The following KANK1 variants were observed in gnomAD, a reference collection of about 807,000 sequenced individuals.
The protein encoded by KANK1 is KN motif and ankyrin repeat domain-containing protein 1.
In KANK1, 109 loss-of-function variants were observed where a neutral mutation model predicts 106.2. The observed-to-expected ratio is 1.03, with a 90% confidence interval of 0.88 to 1.20. The LOEUF is 1.20. Ranked by LOEUF, KANK1 falls within the 50% of genes most tolerant of loss-of-function variation. KANK1 has a pLI of 0.00. For synonymous variants in KANK1, 873 were observed against 652.2 expected (o/e 1.34, Z -5.16); for missense variants, 2,399 against 1,710.7 (o/e 1.40, Z -7.10).
Position 742,447 on chromosome 9 carries a change from G to T in KANK1, c.3897+42G>T, listed in dbSNP as rs766930586. 5 of 1,508,728 alleles carry T rather than the reference G, an allele frequency of 3.3e-6. No individual in the cohort carries two copies. The South Asian group carries it at 4.8e-5, about 15-fold the overall frequency. The allele number at this position is 1,508,728 out of a possible 1,614,324, so 93.5% of individuals were successfully genotyped here. ...GGGCCTCCTGGCCAGGGGTCTGGGG[G>T]ACTCTGGACGGGAGCTCTGGGAGTG... On this transcript the variant is annotated intron_variant, in intron 10 of 11. Coordinates refer to ENST00000382297, the MANE Select transcript of KANK1 (RefSeq NM_015158.5).
At chr9:666,300 G>A (rs114934387) in intron 1 of KANK1, among the ~76,000 whole-genome samples, 4 of 152,074 alleles carry the variant, frequency 2.6e-5, no homozygotes, top group South Asian at 2.1e-4. Context: ...ACTGAATTTT[G>A]TATGTTGGCT....
At chr9:621,348 G>A (rs1284649997) in intron 1 of KANK1, among the ~76,000 whole-genome samples, 1 of 152,088 alleles carries the variant, frequency 6.6e-6, no homozygotes, top group Non-Finnish European at 1.5e-5. Flanking sequence ...AAACAAGTGT[G>A]AGCAAAGTCT....
intron 1 of KANK1, among the ~76,000 whole-genome samples, chr9:590,977 AC>A (rs1824730893): frequency 6.6e-6 from 1 of 151,738 alleles, no homozygotes; most frequent in South Asian, 2.1e-4. Context: ...CTTTTCCCAC[AC>A]CCTTAACATT....
At chr9:588,511 A>G (rs1824060549) in intron 1 of KANK1, among the ~76,000 whole-genome samples, 1 of 152,160 alleles carries the variant, frequency 6.6e-6, no homozygotes, top group African/African-American at 2.4e-5. Context: ...ACACCAGTTT[A>G]TAATCTCAGT....
intron 1 of KANK1, among the ~76,000 whole-genome samples, chr9:519,957 G>A (rs2059470332): frequency 6.6e-6 from 1 of 151,744 alleles, no homozygotes; most frequent in Non-Finnish European, 1.5e-5. Flanking sequence ...GTCTAGTTAT[G>A]CTCAGTGACT....
chr9:484,878 G>A lies in KANK1; in HGVS notation c.-362+11605G>A, dbSNP rs59938367. 7.9e-3 allele frequency among the ~76,000 whole-genome samples: 1,199 copies of A among 151,778 alleles called. 19 individuals are homozygous for A. Among genetic ancestry groups the A allele is most frequent in the African/African-American group, 0.028 (1,146 of 41,142 alleles). ...TTTCCAAGAATAAGAATCCAGCATG[G>A]GATTCATCCCACCTTCATTGCATTT... On this transcript the variant is annotated intron_variant, in intron 3 of 15. Transcript: ENST00000382303.
In KANK1 at chr9:711,347, G is replaced by C. The variant is rs769410753; in HGVS notation, c.581G>C (p.Ser194Thr). ...LASFGGMGTTSSLPSFVGSGN... is the reference protein window; with the variant it reads ...LASFGGMGTTTSLPSFVGSGN... The stretch of plus-strand genomic sequence containing the variant: ...AGTTTTGGAGGCATGGGCACCACAA[G>C]CTCCCTCCCTTCTTTTGTGGGTTCT... The change falls in exon 3 of 12, where the codon AGC becomes ACC. Residue 194 changes from serine (S) to threonine (T), a missense_variant. Transcript: ENST00000382297. 3 of 1,614,034 alleles carry C rather than the reference G, an allele frequency of 1.9e-6. No homozygotes were observed. Among genetic ancestry groups the C allele is most frequent in the Non-Finnish European group, 2.5e-6 (3 of 1,180,050 alleles).
chr9:520,445 A>C (rs2059493089), intron 1 of KANK1, among the ~76,000 whole-genome samples: 1 of 151,790 alleles, frequency 6.6e-6, no homozygotes, highest in Non-Finnish European at 1.5e-5. Flanking sequence ...GAAGAAAGTC[A>C]TATGGCCAGG....
intron 1 of KANK1, among the ~76,000 whole-genome samples, chr9:616,109 A>G (rs1459923172): frequency 2.0e-5 from 3 of 152,222 alleles, no homozygotes; most frequent in Non-Finnish European, 2.9e-5. Flanking sequence ...CTGAAGCTCA[A>G]TAAAGAAATG....
intron 1 of KANK1, among the ~76,000 whole-genome samples, chr9:521,748 G>T (rs1451811054): frequency 6.6e-6 from 1 of 150,970 alleles, no homozygotes; most frequent in Non-Finnish European, 1.5e-5. Context: ...TTGTATTATT[G>T]GTAGAGATGG....
At chr9:560,161 C>A (rs1018118950) in intron 1 of KANK1, among the ~76,000 whole-genome samples, 3 of 152,156 alleles carry the variant, frequency 2.0e-5, no homozygotes, top group African/African-American at 7.2e-5. Context: ...AAGAACAAGC[C>A]TTTCTTGAAT....
chr9:546,650 T>G (rs1027006056), intron 1 of KANK1, among the ~76,000 whole-genome samples: 2 of 152,084 alleles, frequency 1.3e-5, no homozygotes, highest in African/African-American at 4.8e-5. Context: ...CCATTTTCAC[T>G]ATTCCCTCTC....
At chr9:664,467 A>G (rs1358523555) in intron 1 of KANK1, among the ~76,000 whole-genome samples, 1 of 152,016 alleles carries the variant, frequency 6.6e-6, no homozygotes, top group Non-Finnish European at 1.5e-5. Flanking sequence ...TTAAATATTT[A>G]TTATTATTTT....
At chr9:678,465 A>G (rs1377717983) in intron 2 of KANK1, among the ~76,000 whole-genome samples, 1 of 152,196 alleles carries the variant, frequency 6.6e-6, no homozygotes, top group African/African-American at 2.4e-5. Flanking sequence ...GCAGTGGCTC[A>G]CACCTGTAAT....
intron 1 of KANK1, among the ~76,000 whole-genome samples, chr9:571,589 G>T (rs1335466424): frequency 6.6e-6 from 1 of 151,444 alleles, no homozygotes; most frequent in East Asian, 1.9e-4. Context: ...TTTTAAAAAC[G>T]TTTTTTAAAA....
intron 11 of KANK1, 149 bp from the exon 12 acceptor site, chr9:745,024 C>A: frequency 6.0e-6 from 9 of 1,511,092 alleles, no homozygotes; most frequent in Non-Finnish European, 8.0e-6. Flanking sequence ...GAGCTGTGGA[C>A]ACCTGTTCCC....
chr9:733,944 C>T (rs1251894620), intron 6 of KANK1: 1 of 151,822 alleles, frequency 6.6e-6, no homozygotes. Flanking sequence ...TGGTGAAACC[C>T]TGTCTCTACA....
In KANK1 at chr9:745,459, G is replaced by A. The variant is rs1287093762; in HGVS notation, c.*224G>A. The A allele has an allele frequency of 3.6e-5, 17 of 471,590 alleles. No individual in the cohort carries two copies. The highest frequency in any genetic ancestry group is 6.4e-5 in the Non-Finnish European group (17 of 263,652). 29.2% of individuals were successfully genotyped at this position (471,590 alleles called of 1,614,324 possible). A position where few individuals can be genotyped will look rare whatever the true frequency, so the allele number is the denominator to read the frequency against. On this transcript the variant is annotated 3_prime_UTR_variant, in exon 12 of 12. Coordinates refer to ENST00000382297, the MANE Select transcript of KANK1 (RefSeq NM_015158.5). ...TCTGTGTAGGGCACACTTTAACCCA[G>A]TCTCTGTTGCTGTTGAGTCTCTGCT...
chr9:711,228 C>A lies in KANK1; in HGVS notation c.462C>A (p.Val154=). ...SPQLPKHNLH[V]TKTLMETRRR... ...AACTCCCAAAGCATAACCTTCATGT[C>A]ACCAAGACACTGATGGAGACCCGGA... Residue 154 remains valine, a synonymous_variant, in exon 3 of 12, where the codon GTC becomes GTA. Transcript: ENST00000382297. 6.2e-7 allele frequency: 1 copy of A among 1,614,164 alleles called. No homozygotes were observed. The highest frequency in any genetic ancestry group is 1.1e-5 in the South Asian group (1 of 91,074).
Sources: allele counts gnomAD v4.1 joint callset (sites outside exome capture counted in the v4.1 genomes callset), GRCh38; gene constraint gnomAD v4.1.1; transcripts MANE v1.5; gene names NCBI Gene and HGNC (gene_info 2026-07-23, HGNC 2026-07-21).